ARID4A: variants seen among roughly 807,000 people sequenced by gnomAD.
ARID4A encodes the protein AT-rich interaction domain 4A.
In ARID4A, 39 loss-of-function variants were observed where a neutral mutation model predicts 148.6. That is an observed-to-expected ratio of 0.26 (90% CI 0.20 to 0.34). ARID4A has a LOEUF of 0.34. ARID4A is among the 10% of genes least tolerant of loss of function. The pLI is 1.00. For synonymous variants in ARID4A, 475 were observed against 481.2 expected (o/e 0.99, Z 0.17); for missense variants, 1,265 against 1,449.1 (o/e 0.87, Z 2.06).
intron 11 of ARID4A, among the ~76,000 whole-genome samples, chr14:58,343,949 T>A (rs2034234569): frequency 6.6e-6 from 1 of 152,202 alleles, no homozygotes; most frequent in African/African-American, 2.4e-5. Context: ...CTAGTAGTGC[T>A]AAACTTTAAG....
intron 11 of ARID4A, among the ~76,000 whole-genome samples, chr14:58,338,816 A>G (rs1022279572): frequency 6.6e-6 from 1 of 152,048 alleles, no homozygotes; most frequent in African/African-American, 2.4e-5. Context: ...CATGAAGGGG[A>G]AACAAAGTTG....
intron 11 of ARID4A, among the ~76,000 whole-genome samples, chr14:58,339,112 A>C (rs1174324771): frequency 6.6e-6 from 1 of 151,466 alleles, no homozygotes; most frequent in Non-Finnish European, 1.5e-5. Context: ...CTAGGATTAT[A>C]GGCATGCACC....
At chr14:58,326,512 G>A (rs960263947) in intron 8 of ARID4A, among the ~76,000 whole-genome samples, 2 of 152,200 alleles carry the variant, frequency 1.3e-5, no homozygotes, top group Non-Finnish European at 2.9e-5. Flanking sequence ...TATTAGATGC[G>A]AGTGGGGGAA....
intron 1 of ARID4A, chr14:58,299,589 C>T: frequency 3.6e-6 from 2 of 563,022 alleles, no homozygotes; most frequent in East Asian, 2.9e-5. Flanking sequence ...CGCTGGCGAG[C>T]TCCGGGGCGG....
At chr14:58,306,439 C>T (rs1413078652) in intron 5 of ARID4A, among the ~76,000 whole-genome samples, 1 of 152,198 alleles carries the variant, frequency 6.6e-6, no homozygotes, top group Non-Finnish European at 1.5e-5. Flanking sequence ...GCGATCGTTA[C>T]TGTATTGCTA....
chr14:58,367,009 TAAA>T lies in ARID4A; in HGVS notation c.3654_3656del (p.Lys1220del). On this transcript the variant is annotated inframe_deletion, in exon 23 of 24. Transcript: ENST00000355431. ...ACCATAGACAGGAGGAGAAAAAGATTAAAAAAGAAAGACAGGGAAGGTAATTTT... is the reference window on the plus strand; with the variant it reads ...ACCATAGACAGGAGGAGAAAAAGATTAAAGAAAGACAGGGAAGGTAATTTT... 1.3e-6 allele frequency: 2 copies of T among 1,494,952 alleles called. No homozygotes were observed. Among genetic ancestry groups the T allele is most frequent in the Non-Finnish European group, 1.8e-6 (2 of 1,129,082 alleles). 92.6% of individuals were successfully genotyped at this position (1,494,952 alleles called of 1,614,324 possible). A position where few individuals can be genotyped will look rare whatever the true frequency, so the allele number is the denominator to read the frequency against.
chr14:58,329,614 A>G lies in ARID4A; in HGVS notation c.739+10A>G. 6.4e-7 allele frequency: 1 copy of G among 1,571,730 alleles called. No individual in the cohort carries two copies. Among genetic ancestry groups the G allele is most frequent in the Non-Finnish European group, 8.8e-7 (1 of 1,141,874 alleles). ...CTCTCCACTAAACCAGGTAAAATAA[A>G]GATGAATTACCCTATTATTTTATGT... On this transcript the variant is annotated intron_variant, in intron 10 of 23. Coordinates refer to ENST00000355431, the MANE Select transcript of ARID4A (RefSeq NM_002892.4).
intron 12 of ARID4A, among the ~76,000 whole-genome samples, chr14:58,345,005 T>TG (rs2034292065): frequency 6.6e-6 from 1 of 152,170 alleles, no homozygotes; most frequent in Non-Finnish European, 1.5e-5. Flanking sequence ...CTCGAGTAGC[T>TG]GGGACTACAG....
chr14:58,323,623 T>C lies in ARID4A; in HGVS notation c.582+6T>C. 6.2e-7 allele frequency: 1 copy of C among 1,610,192 alleles called. No individual in the cohort carries two copies. Among genetic ancestry groups the C allele is most frequent in the Admixed American group, 1.7e-5 (1 of 59,756 alleles). On this transcript the variant is annotated splice_donor_region_variant and intron_variant, in intron 8 of 23. Coordinates refer to ENST00000355431, the MANE Select transcript of ARID4A (RefSeq NM_002892.4). ...CTGAATGGTATCCTGCTTTGGTAAG[T>C]AAAGTTTCTTTGCAGAGTTAATCAG...
chr14:58,337,529 T>C (rs2033895091), intron 11 of ARID4A, among the ~76,000 whole-genome samples: 1 of 152,114 alleles, frequency 6.6e-6, no homozygotes, highest in South Asian at 2.1e-4. Context: ...GGGAGATTTG[T>C]TATAAGGTTC....
At position 58,372,041 on chromosome 14, in the gene ARID4A, C is replaced by G. The variant is rs1047497379; in HGVS notation, c.*52C>G. On this transcript the variant is annotated 3_prime_UTR_variant, in exon 24 of 24. Coordinates refer to ENST00000355431, the MANE Select transcript of ARID4A (RefSeq NM_002892.4). ...GTTTGCTGCCATGGACATAAATCCC[C>G]AAACCCTGAATTACAACCACAGAAA... 7.7e-7 allele frequency: 1 copy of G among 1,293,706 alleles called. No homozygotes were observed. The highest frequency in any genetic ancestry group is 1.2e-5 in the South Asian group (1 of 81,472). The allele number at this position is 1,293,706 out of a possible 1,614,324, so 80.1% of individuals were successfully genotyped here.
rs749690000 is a variant in ARID4A at position 58,329,550 on chromosome 14, A to C, written c.685A>C (p.Ile229Leu). The change falls in exon 10 of 24, where the codon ATT (isoleucine) becomes CTT (leucine). Residue 229 changes from isoleucine to leucine, a missense_variant. By Grantham distance (5) the Ile-to-Leu change is conservative. This residue lies in a region of ARID4A where 249 missense variants were observed against 277.2 expected (regional missense o/e 0.90). Coordinates refer to ENST00000355431, the MANE Select transcript of ARID4A (RefSeq NM_002892.4). ...TAGTTACTCTATAGCAAGAAAGGAC[A>C]TTAAGGAAGTAGACATTCTCAATCT... ...SKFYSIARKD[I>L]KEVDILNLPE... 1.9e-6 allele frequency: 3 copies of C among 1,606,050 alleles called. No homozygotes were observed. Among genetic ancestry groups the C allele is most frequent in the Non-Finnish European group, 2.6e-6 (3 of 1,172,960 alleles).
intron 17 of ARID4A, among the ~76,000 whole-genome samples, chr14:58,356,321 A>G (rs1255721827): frequency 6.6e-6 from 1 of 152,168 alleles, no homozygotes; most frequent in Non-Finnish European, 1.5e-5. Context: ...TCAGGTACAT[A>G]TTGCACTTAC....
chr14:58,365,421 A>G (rs111674308), intron 20 of ARID4A, 97 bp from the exon 21 acceptor site: 4 of 1,395,962 alleles, frequency 2.9e-6, no homozygotes, highest in Non-Finnish European at 9.7e-7. Context: ...TTTTCTTATT[A>G]AAAAGAAAGA....
chr14:58,364,338 C>T lies in ARID4A; in HGVS notation c.2249C>T (p.Thr750Ile). ...SAHILKENDR[T>I]QMQPLETLKL... Reference sequence around the variant, plus strand: ...CATATATTAAAAGAAAATGATAGGACTCAAATGCAGCCTTTAGAAACCCTG... The same window carrying T: ...CATATATTAAAAGAAAATGATAGGATTCAAATGCAGCCTTTAGAAACCCTG... The change falls in exon 20 of 24, where the codon ACT (threonine) becomes ATT (isoleucine). Residue 750 changes from threonine (T) to isoleucine (I), a missense_variant. Thr to Ile is a moderately conservative substitution (Grantham distance 89). This residue lies in a region of ARID4A where 666 missense variants were observed against 730.9 expected (regional missense o/e 0.91). Transcript: ENST00000355431. 7 of 1,582,042 alleles carry T rather than the reference C, an allele frequency of 4.4e-6. No homozygotes were observed. The South Asian group carries it at 7.2e-5, about 16-fold the overall frequency.
At chr14:58,356,349 T>G (rs2140252056) in intron 17 of ARID4A, among the ~76,000 whole-genome samples, 1 of 152,320 alleles carries the variant, frequency 6.6e-6, no homozygotes, top group South Asian at 2.1e-4. Flanking sequence ...TACTTGATTT[T>G]ACTATATGTC....
chr14:58,299,689 C>G, intron 1 of ARID4A, 109 bp from the exon 2 acceptor site: 2 of 902,064 alleles, frequency 2.2e-6, no homozygotes, highest in Admixed American at 4.1e-5. Flanking sequence ...TGTCCCTTGG[C>G]TGGTGAGGAT....
At chr14:58,339,469 A>G (rs889279364) in intron 11 of ARID4A, among the ~76,000 whole-genome samples, 11 of 152,316 alleles carry the variant, frequency 7.2e-5, no homozygotes, top group East Asian at 1.9e-4. Flanking sequence ...CAAGCCACCA[A>G]TTAGAACTGT....
intron 17 of ARID4A, among the ~76,000 whole-genome samples, chr14:58,357,886 A>G (rs562958253): frequency 2.6e-5 from 4 of 152,216 alleles, no homozygotes; most frequent in Admixed American, 6.5e-5. Flanking sequence ...CACTTGGACT[A>G]TAGACAATCA....
Sources: gnomAD v4.1 joint callset for allele counts (sites outside exome capture counted in the v4.1 genomes callset) on GRCh38, gnomAD v4.1.1 for gene constraint, gnomAD v4.1.1 regional missense constraint, MANE v1.5 for transcripts, NCBI Gene and HGNC (gene_info 2026-07-23, HGNC 2026-07-21) for gene names.